PCDHA2: variants seen among roughly 807,000 people sequenced by gnomAD.
PCDHA2 encodes the protein protocadherin alpha-2.
Under a neutral mutation model 66.0 loss-of-function variants are expected in PCDHA2, and 58 were observed. That is an observed-to-expected ratio of 0.88 (90% CI 0.71 to 1.09). The LOEUF (loss-of-function observed/expected upper bound fraction) is 1.09, where lower values mean the gene tolerates loss of function less well. Among genes scored for constraint, PCDHA2 ranks in the 50% least tolerant of loss-of-function variants. PCDHA2 has a pLI of 0.00. For synonymous variants in PCDHA2, 634 were observed against 554.0 expected, an observed-to-expected ratio of 1.14 and a Z score of -2.03; for missense variants, 1,267 against 1,242.3, an observed-to-expected ratio of 1.02 and a Z score of -0.30.
In PCDHA2 at chr5:140,993,459, T is replaced by TTC. The variant is rs202191067; in HGVS notation, c.2536+10899_2536+10900dup. 1.1e-4 allele frequency among the ~76,000 whole-genome samples: 9 copies of TTC among 83,038 alleles called. No individual in the cohort carries two copies. The East Asian group carries it at 1.5e-3, about 13-fold the overall frequency. 54.5% of individuals were successfully genotyped at this position (83,038 alleles called of 152,430 possible). Reference sequence around the variant, plus strand: ...ATTCATTCCTGTTCTCCTTCTTTCTTTCTCACACACACACACACACACACA... The same window carrying TTC: ...ATTCATTCCTGTTCTCCTTCTTTCTTTCTCTCACACACACACACACACACACA... On this transcript the variant is annotated intron_variant, in intron 3 of 3. Coordinates refer to ENST00000526136, the MANE Select transcript of PCDHA2 (RefSeq NM_018905.3).
At chr5:140,883,538 G>A (rs782240531) in intron 1 of PCDHA2, 1 of 1,614,230 alleles carries the variant, frequency 6.2e-7, no homozygotes, top group Admixed American at 1.7e-5. Flanking sequence ...CTATGAACTG[G>A]TGGTGACCGC....
intron 1 of PCDHA2, chr5:140,865,673 C>A (rs1438550706): frequency 6.6e-6 from 1 of 152,132 alleles, no homozygotes; most frequent in Non-Finnish European, 1.5e-5. Flanking sequence ...ATAACAATTT[C>A]TAAAGTACAT....
chr5:140,891,604 C>T (rs1554184885), intron 1 of PCDHA2, among the ~76,000 whole-genome samples: 2 of 152,172 alleles, frequency 1.3e-5, no homozygotes, highest in African/African-American at 4.8e-5. Flanking sequence ...CCATCTATTT[C>T]TACCTTTTAT....
chr5:140,846,378 T>C (rs1033282132), intron 1 of PCDHA2, among the ~76,000 whole-genome samples: 4 of 135,270 alleles, frequency 3.0e-5, no homozygotes, highest in Middle Eastern at 3.8e-3. Flanking sequence ...TCTTTCTTTT[T>C]TTTTTTTTTT....
At chr5:141,003,762 G>A (rs1295345972) in intron 3 of PCDHA2, among the ~76,000 whole-genome samples, 1 of 152,146 alleles carries the variant, frequency 6.6e-6, no homozygotes, top group East Asian at 1.9e-4. Flanking sequence ...AATTATGGTC[G>A]TATTCTGTTA....
At chr5:140,978,716 T>C (rs1317618418) in intron 1 of PCDHA2, among the ~76,000 whole-genome samples, 2 of 152,252 alleles carry the variant, frequency 1.3e-5, no homozygotes, top group African/African-American at 4.8e-5. Flanking sequence ...CTTTACAAGA[T>C]TATTAAATCT....
chr5:140,808,811 G>T, intron 1 of PCDHA2: 1 of 1,612,772 alleles, frequency 6.2e-7, no homozygotes, highest in African/African-American at 1.3e-5. Context: ...CGATGCCGGC[G>T]TGCCACCTCT....
chr5:140,870,085 C>A, intron 1 of PCDHA2: 1 of 1,613,862 alleles, frequency 6.2e-7, no homozygotes, highest in Non-Finnish European at 8.5e-7. Context: ...GGGGACTCCC[C>A]CAATGGCAGG....
chr5:140,963,483 T>C (rs1228943699), intron 1 of PCDHA2, among the ~76,000 whole-genome samples: 1 of 152,246 alleles, frequency 6.6e-6, no homozygotes, highest in Non-Finnish European at 1.5e-5. Flanking sequence ...GGTAAATCTC[T>C]TGTGAGGAAA....
chr5:140,836,931 A>G (rs1774819747), intron 1 of PCDHA2: 4 of 485,440 alleles, frequency 8.2e-6, no homozygotes, highest in South Asian at 4.0e-5. Context: ...GATGCGTAAT[A>G]CTATAGATCA....
rs782413551 is a variant in PCDHA2, at chr5:141,009,873, A to G, written c.2783A>G (p.Lys928Arg). Residue 928 changes from lysine to arginine, a missense_variant, in exon 4 of 4, where the codon AAG becomes AGG. By Grantham distance (26) the Lys-to-Arg change is conservative. Coordinates refer to ENST00000526136, the MANE Select transcript of PCDHA2 (RefSeq NM_018905.3). ...EETKKKKKKK[K>R]GNKTQEKKEK... The stretch of plus-strand genomic sequence containing the variant: ...ACCAAGAAAAAGAAGAAAAAGAAGA[A>G]GGGTAACAAGACCCAGGAGAAAAAA... 6.2e-7 allele frequency: 1 copy of G among 1,614,034 alleles called. No individual in the cohort carries two copies. The highest frequency in any genetic ancestry group is 8.5e-7 in the Non-Finnish European group (1 of 1,180,008).
intron 1 of PCDHA2, chr5:140,881,297 C>T: frequency 4.3e-6 from 4 of 940,924 alleles, no homozygotes; most frequent in Non-Finnish European, 5.1e-6. Flanking sequence ...AAAATGGAAA[C>T]TTTAACCTCC....
chr5:140,948,426 G>A (rs1301925814), intron 1 of PCDHA2, among the ~76,000 whole-genome samples: 1 of 151,446 alleles, frequency 6.6e-6, no homozygotes, highest in African/African-American at 2.4e-5. Flanking sequence ...TCTTCCTTCA[G>A]TGAAACATTC....
At chr5:140,893,150 A>T (rs1398784015) in intron 1 of PCDHA2, among the ~76,000 whole-genome samples, 2 of 152,066 alleles carry the variant, frequency 1.3e-5, no homozygotes, top group African/African-American at 4.8e-5. Flanking sequence ...TCATCTGTTG[A>T]TGGATATTGA....
Position 140,871,058 on chromosome 5 carries a change from A to C in PCDHA2, c.2388+73706A>C, listed in dbSNP as rs1179361194. Reference sequence around the variant, plus strand: ...CACCGACTTCTAGTACTGGTGAAGGATCACGGTGAGCCGGCGCTGACGGCC... The same window carrying C: ...CACCGACTTCTAGTACTGGTGAAGGCTCACGGTGAGCCGGCGCTGACGGCC... On this transcript the variant is annotated intron_variant, in intron 1 of 3. Transcript: ENST00000526136. 8 of 1,613,140 alleles carry C rather than the reference A, an allele frequency of 5.0e-6. No homozygotes were observed. The African/African-American group carries it at 6.7e-5, about 13-fold the overall frequency.
chr5:140,945,079 T>C (rs1554216701), intron 1 of PCDHA2, among the ~76,000 whole-genome samples: 1 of 152,126 alleles, frequency 6.6e-6, no homozygotes, highest in South Asian at 2.1e-4. Context: ...ACCAAAACAC[T>C]CTTGGAACTA....
intron 1 of PCDHA2, 27 bp from the exon 2 acceptor site, chr5:140,978,922 C>G: frequency 6.2e-7 from 1 of 1,613,966 alleles, no homozygotes; most frequent in Non-Finnish European, 8.5e-7. Context: ...GTCATTTTAA[C>G]AGAAAACTCT....
chr5:140,898,711 T>A (rs1280268769), intron 1 of PCDHA2, among the ~76,000 whole-genome samples: 2 of 152,226 alleles, frequency 1.3e-5, no homozygotes, highest in Non-Finnish European at 2.9e-5. Flanking sequence ...AAGTAGTTTT[T>A]TCCAATTCTG....
chr5:140,802,654 A>G (rs782166217), intron 1 of PCDHA2: 1 of 1,613,634 alleles, frequency 6.2e-7, no homozygotes, highest in South Asian at 1.1e-5. Context: ...GACGCGCAGG[A>G]GAACGCCCTG....
Sources: gnomAD v4.1 joint callset for allele counts (sites outside exome capture counted in the v4.1 genomes callset) on GRCh38, gnomAD v4.1.1 for gene constraint, MANE v1.5 for transcripts, NCBI Gene and HGNC (gene_info 2026-07-23, HGNC 2026-07-21) for gene names.